The following RPS27A variants were observed in gnomAD, a reference collection of about 807,000 sequenced individuals.
RPS27A encodes the protein ubiquitin-ribosomal protein eS31 fusion protein.
A neutral mutation model predicts 18.9 loss-of-function variants in RPS27A; 1 was observed. The ratio of observed to expected loss-of-function variants is 0.05; its 90% CI spans 0.02 to 0.25. The LOEUF (loss-of-function observed/expected upper bound fraction) is 0.25. Ranked by LOEUF, RPS27A falls within the 10% of genes least tolerant of loss-of-function variation. RPS27A has a pLI of 1.00. For synonymous variants in RPS27A, 77 were observed against 63.7 expected (o/e 1.21, Z -0.99); for missense variants, 123 against 187.4 (o/e 0.66, Z 2.01).
chr2:55,235,343 TA>T (rs1387627887), intron 5 of RPS27A, 84 bp from the exon 6 acceptor site: 14 of 1,490,498 alleles, frequency 9.4e-6, no homozygotes, highest in Non-Finnish European at 1.3e-5. Flanking sequence ...ATTACACAGT[TA>T]AAAGCTTAAA....
rs967499066 is a variant in RPS27A at position 55,234,214 on chromosome 2, G to C, written c.189+10G>C. On this transcript the variant is annotated intron_variant, in intron 4 of 5. Transcript: ENST00000272317. ...CTACAATATTCAAAAGGTCTGTCTA[G>C]GGGAAGAGCAGCCTCTTTTAAAAAA... 6.4e-7 allele frequency: 1 copy of C among 1,562,664 alleles called. No homozygotes were observed. Among genetic ancestry groups the C allele is most frequent in the East Asian group, 2.2e-5 (1 of 44,650 alleles).
In RPS27A at chr2:55,235,568, A is replaced by G. The variant is rs762252603; in HGVS notation, c.462A>G (p.Glu154=). ...CCLTYCFNKP[E]DK is the part of the protein sequence containing the mutation. ...TGACTTACTGTTTCAACAAACCAGA[A>G]GACAAGTAACTGTATGAGTTAATAA... The change falls in exon 6 of 6, where the codon GAA becomes GAG. Residue 154 remains glutamate, a synonymous_variant. Transcript: ENST00000272317. The G allele has an allele frequency of 1.9e-6, 3 of 1,602,612 alleles. No individual in the cohort carries two copies. Among genetic ancestry groups the G allele is most frequent in the Non-Finnish European group, 2.5e-6 (3 of 1,179,958 alleles).
intron 5 of RPS27A, chr2:55,235,211 A>G (rs903283031): frequency 2.8e-5 from 19 of 690,886 alleles, no homozygotes; most frequent in Admixed American, 1.4e-4. Flanking sequence ...ACCTTTGTCT[A>G]CCACTTGCAA....
intron 3 of RPS27A, chr2:55,233,747 G>C (rs933099212): frequency 2.1e-6 from 1 of 472,518 alleles, no homozygotes. Context: ...TTGTGCTTCA[G>C]CCTCCCTATT....
Position 55,234,917 on chromosome 2 carries a change from G to C in RPS27A, c.276G>C (p.Lys92Asn). Reference protein sequence around the residue: ...KKSYTTPKKNKHKRKKVKLAV... With the variant: ...KKSYTTPKKNNHKRKKVKLAV... ...CTTACACCACTCCCAAGAAGAATAA[G>C]CACAAGAGAAAGAAGGTTAAGCTGG... Residue 92 changes from lysine (K) to asparagine (N), a missense_variant, in exon 5 of 6, where the codon AAG becomes AAC. Physicochemically the swap from Lys to Asn is moderately conservative, Grantham distance 94. Coordinates refer to ENST00000272317, the MANE Select transcript of RPS27A (RefSeq NM_002954.6). 1 of 1,613,328 alleles carries C rather than the reference G, an allele frequency of 6.2e-7. No homozygotes were observed. Among genetic ancestry groups the C allele is most frequent in the Non-Finnish European group, 8.5e-7 (1 of 1,179,856 alleles).
rs201026490 is a variant in RPS27A, at chr2:55,235,565, A to G, written c.459A>G (p.Pro153=). ...GTCTGACTTACTGTTTCAACAAACC[A>G]GAAGACAAGTAACTGTATGAGTTAA... ...KCCLTYCFNK[P]EDK Residue 153 remains proline (P), a synonymous_variant, in exon 6 of 6, where the codon CCA becomes CCG. Transcript: ENST00000272317. 2 of 1,603,074 alleles carry G rather than the reference A, an allele frequency of 1.2e-6. No individual in the cohort carries two copies. Among genetic ancestry groups the G allele is most frequent in the Admixed American group, 1.7e-5 (1 of 60,018 alleles).
chr2:55,233,282 C>A, intron 2 of RPS27A, 81 bp from the exon 3 acceptor site: 2 of 1,188,992 alleles, frequency 1.7e-6, no homozygotes, highest in South Asian at 1.2e-5. Flanking sequence ...TGGTTCGGTT[C>A]AGTGGTAATT....
chr2:55,234,098 A>G (rs907331068), intron 3 of RPS27A, 21 bp from the exon 4 acceptor site: 7 of 1,580,804 alleles, frequency 4.4e-6, no homozygotes, highest in Admixed American at 1.7e-5. Context: ...CTGTGACTTA[A>G]TTTTTGTTTT....
rs924881883 is a variant in RPS27A, at chr2:55,234,739, G to A, written c.190-92G>A. Reference sequence around the variant, plus strand: ...AAGATTCCCTCAAATGTTATTGTGTGCTGCTACTGCTTTTAATTAGAAAAT... The same window carrying A: ...AAGATTCCCTCAAATGTTATTGTGTACTGCTACTGCTTTTAATTAGAAAAT... On this transcript the variant is annotated intron_variant, in intron 4 of 5. Coordinates refer to ENST00000272317, the MANE Select transcript of RPS27A (RefSeq NM_002954.6). 7.0e-6 allele frequency: 10 copies of A among 1,426,546 alleles called. No individual in the cohort carries two copies. The Admixed American group carries it at 1.2e-4, about 17-fold the overall frequency. 88.4% of individuals were successfully genotyped at this position (1,426,546 alleles called of 1,614,324 possible).
rs772158174 is a variant in RPS27A, at chr2:55,232,837, G to A, written c.13G>A (p.Val5Met). MQIF[V>M]KTLTGKTITL... ...AGCCGCCACCAAAATGCAGATTTTC[G>A]TGAAAACCCTTACGGGGAAGACCAT... is the stretch of plus-strand genomic sequence containing the variant. The change falls in exon 2 of 6, where the codon GTG (valine) becomes ATG (methionine). Residue 5 changes from valine (V) to methionine (M), a missense_variant. Coordinates refer to ENST00000272317, the MANE Select transcript of RPS27A (RefSeq NM_002954.6). The A allele has an allele frequency of 6.2e-7, 1 of 1,613,162 alleles. No individual in the cohort carries two copies. Among genetic ancestry groups the A allele is most frequent in the Non-Finnish European group, 8.5e-7 (1 of 1,179,712 alleles).
chr2:55,234,187 G>C lies in RPS27A; in HGVS notation c.172G>C (p.Asp58His), dbSNP rs1194951317. 2 of 1,608,424 alleles carry C rather than the reference G, an allele frequency of 1.2e-6. No individual in the cohort carries two copies. Among genetic ancestry groups the C allele is most frequent in the South Asian group, 1.1e-5 (1 of 90,938 alleles). ...KQLEDGRTLS[D>H]YNIQKESTLH... ...GCTGGAAGATGGACGTACTTTGTCT[G>C]ACTACAATATTCAAAAGGTCTGTCT... The change falls in exon 4 of 6, where the codon GAC (aspartate) becomes CAC (histidine). Residue 58 changes from aspartate (D) to histidine (H), a missense_variant. Asp to His is a moderately conservative substitution (Grantham distance 81). Coordinates refer to ENST00000272317, the MANE Select transcript of RPS27A (RefSeq NM_002954.6).
intron 4 of RPS27A, chr2:55,234,451 C>T (rs371800951): frequency 7.0e-6 from 4 of 569,996 alleles, no homozygotes; most frequent in Admixed American, 3.0e-5. Flanking sequence ...ATCTTCCCAC[C>T]GTGGCCTCCC....
intron 3 of RPS27A, 198 bp from the exon 4 acceptor site, chr2:55,233,921 C>T (rs533839320): frequency 1.1e-5 from 7 of 630,442 alleles, no homozygotes; most frequent in Admixed American, 1.0e-4. Context: ...TCAGCCACTG[C>T]AGACAACCAA....
At chr2:55,235,120 T>TG in intron 5 of RPS27A, 158 bp downstream of exon 5, 1 of 881,176 alleles carries the variant, frequency 1.1e-6, no homozygotes, top group South Asian at 1.6e-5. Context: ...TCAGACTTTC[T>TG]GGGGTTTTTC....
At chr2:55,233,326 A>G (rs1451816200) in intron 2 of RPS27A, 37 bp from the exon 3 acceptor site, 1 of 1,547,300 alleles carries the variant, frequency 6.5e-7, no homozygotes, top group Admixed American at 1.7e-5. Flanking sequence ...TAGTTCCTTA[A>G]TGTGTAACCA....
At position 55,232,816 on chromosome 2, in the gene RPS27A, G is replaced by T. The variant is rs766713370; in HGVS notation, c.-9G>T. ...CTTTTCCTCAACCTCAGGTGGAGCC[G>T]CCACCAAAATGCAGATTTTCGTGAA... On this transcript the variant is annotated 5_prime_UTR_variant, in exon 2 of 6. Transcript: ENST00000272317. 12 of 1,611,260 alleles carry T rather than the reference G, an allele frequency of 7.4e-6. No homozygotes were observed. Among genetic ancestry groups the T allele is most frequent in the Non-Finnish European group, 8.5e-6 (10 of 1,178,688 alleles).
rs1675716655 is a variant in RPS27A at position 55,234,973 on chromosome 2, TA to T, written c.321+14del. On this transcript the variant is annotated intron_variant, in intron 5 of 5. Coordinates refer to ENST00000272317, the MANE Select transcript of RPS27A (RefSeq NM_002954.6). Reference sequence around the variant, plus strand: ...CTGAAATATTATAAGGTGAGCCAGTTAAAGGGCAGAATGTCAGCAAAGTCTT... The same window carrying T: ...CTGAAATATTATAAGGTGAGCCAGTTAAGGGCAGAATGTCAGCAAAGTCTT... The T allele has an allele frequency of 6.2e-7, 1 of 1,612,428 alleles. No individual in the cohort carries two copies. The highest frequency in any genetic ancestry group is 1.3e-5 in the African/African-American group (1 of 74,912).
intron 4 of RPS27A, 52 bp from the exon 5 acceptor site, chr2:55,234,779 G>A (rs549065309): frequency 3.2e-5 from 52 of 1,605,182 alleles, no homozygotes; most frequent in East Asian, 6.7e-5. Flanking sequence ...AATGTTGGGT[G>A]TGCCCATTCT....
At chr2:55,234,571 A>G in intron 4 of RPS27A, 2 of 567,140 alleles carry the variant, frequency 3.5e-6, no homozygotes, top group Non-Finnish European at 6.3e-6. Flanking sequence ...GGTAACTCCT[A>G]TACTGATACT....
Sources: gnomAD v4.1 joint callset for allele counts on GRCh38, gnomAD v4.1.1 for gene constraint, MANE v1.5 for transcripts, NCBI Gene and HGNC (gene_info 2026-07-23, HGNC 2026-07-21) for gene names.